GPC6: variants seen among roughly 807,000 people sequenced by gnomAD.
GPC6 encodes glypican-6.
In GPC6, 14 loss-of-function variants were observed where a neutral mutation model predicts 55.2. The ratio of observed to expected loss-of-function variants is 0.25; its 90% CI spans 0.17 to 0.40. GPC6 has a LOEUF of 0.40. GPC6 is among the 10% of genes least tolerant of loss of function. GPC6 has a pLI of 1.00. For synonymous variants in GPC6, 278 were observed against 259.6 expected (o/e 1.07, Z -0.68); for missense variants, 641 against 708.5 (o/e 0.90, Z 1.08).
intron 3 of GPC6, among the ~76,000 whole-genome samples, chr13:93,965,973 C>T (rs1372984249): frequency 2.6e-5 from 4 of 152,156 alleles, no homozygotes; most frequent in Non-Finnish European, 5.9e-5. Context: ...CCCAGCACAT[C>T]TATCAGCCCA....
chr13:93,866,099 G>A (rs1888956858), intron 3 of GPC6, among the ~76,000 whole-genome samples: 1 of 151,706 alleles, frequency 6.6e-6, no homozygotes, highest in South Asian at 2.1e-4. Flanking sequence ...GACTCTGCAA[G>A]TTTTGAAAAG....
intron 3 of GPC6, among the ~76,000 whole-genome samples, chr13:93,895,234 G>GTGTGTGTGTGTGTGTGTGTGTGTGTA (rs1196315147): frequency 1.3e-4 from 14 of 108,216 alleles, no homozygotes; most frequent in African/African-American, 4.4e-4. Context: ...GTGTGTGTGT[G>GTGTGTGTGTGTGTGTGTGTGTGTGTA]TATATATATA....
rs554400242 is a variant in GPC6 at position 93,920,461 on chromosome 13, T to TG, written c.711+89916_711+89917insG. On this transcript the variant is annotated intron_variant, in intron 3 of 8. Coordinates refer to ENST00000377047, the MANE Select transcript of GPC6 (RefSeq NM_005708.5). ...TATTCTGAATTGCACAATAGAAATG[T>TG]CTACTTGAAGGTTTCCCTAATATCT... is the stretch of plus-strand genomic sequence containing the variant. 2.4e-4 allele frequency among the ~76,000 whole-genome samples: 37 copies of TG among 152,318 alleles called. 1 individual carries two copies. In the East Asian group the frequency reaches 5.2e-3, roughly 22 times the overall value.
chr13:94,026,682 T>C (rs1882911611), intron 3 of GPC6, among the ~76,000 whole-genome samples: 2 of 152,136 alleles, frequency 1.3e-5, no homozygotes, highest in South Asian at 4.1e-4. Flanking sequence ...GAGAGTATAA[T>C]TTTTTAAAGG....
At chr13:94,009,560 C>G (rs961807410) in intron 3 of GPC6, among the ~76,000 whole-genome samples, 1 of 152,134 alleles carries the variant, frequency 6.6e-6, no homozygotes, top group African/African-American at 2.4e-5. Context: ...ATGACCTTGA[C>G]AGTAGGCTCA....
rs1401132677 is a variant in GPC6, at chr13:93,789,624, T to C, written c.320-40530T>C. Among the ~76,000 whole-genome samples, 98 of 103,646 alleles carry C rather than the reference T, an allele frequency of 9.5e-4. 3 individuals carry two copies. Among genetic ancestry groups the C allele is most frequent in the South Asian group, 4.1e-3 (12 of 2,898 alleles). The allele number at this position is 103,646 out of a possible 152,430, so 68.0% of individuals were successfully genotyped here. ...ATATATATATATATATATATATATA[T>C]ATATATATATATATATATATAGTAT... On this transcript the variant is annotated intron_variant, in intron 2 of 8. Coordinates refer to ENST00000377047, the MANE Select transcript of GPC6 (RefSeq NM_005708.5).
At chr13:93,553,714 A>G (rs1594261323) in intron 2 of GPC6, among the ~76,000 whole-genome samples, 1 of 150,684 alleles carries the variant, frequency 6.6e-6, no homozygotes, top group African/African-American at 2.4e-5. Flanking sequence ...AAAAAAAAAA[A>G]AAGGAGAGGA....
intron 4 of GPC6, chr13:94,188,030 CAG>C (rs1451193290): frequency 6.6e-6 from 1 of 152,196 alleles, no homozygotes; most frequent in Admixed American, 6.5e-5. Context: ...CACCAGTTAA[CAG>C]GGTGAGAAAT....
chr13:94,323,092 C>T (rs146411274), intron 6 of GPC6, among the ~76,000 whole-genome samples: 34 of 152,206 alleles, frequency 2.2e-4, no homozygotes, highest in Admixed American at 8.5e-4. Context: ...GACGGGATTG[C>T]GAAAGAAGCC....
At chr13:93,481,627 G>A (rs1187388419) in intron 1 of GPC6, among the ~76,000 whole-genome samples, 1 of 114,876 alleles carries the variant, frequency 8.7e-6, no homozygotes, top group Non-Finnish European at 1.8e-5. Context: ...TGTGAAGTAG[G>A]GATCCAGCTT....
intron 1 of GPC6, among the ~76,000 whole-genome samples, chr13:93,461,672 T>TG (rs11287689): frequency 2.0e-3 from 209 of 107,092 alleles, no homozygotes; most frequent in African/African-American, 6.3e-3. Flanking sequence ...GCGGGGGGGT[T>TG]GGGGGGGGGT....
At chr13:93,865,703 C>A (rs546092154) in intron 3 of GPC6, among the ~76,000 whole-genome samples, 1 of 151,808 alleles carries the variant, frequency 6.6e-6, no homozygotes, top group African/African-American at 2.4e-5. Flanking sequence ...TGCCCTGCAA[C>A]TTTCTTTTTA....
chr13:94,124,348 A>G lies in GPC6; in HGVS notation c.877+96454A>G, dbSNP rs972094789. On this transcript the variant is annotated intron_variant, in intron 4 of 8. Coordinates refer to ENST00000377047, the MANE Select transcript of GPC6 (RefSeq NM_005708.5). ...TTTATTCATTCAACAAATGTTTCCAAAAAGCCCATCATGCACTAAGTCTAA... is the reference window on the plus strand; with the variant it reads ...TTTATTCATTCAACAAATGTTTCCAGAAAGCCCATCATGCACTAAGTCTAA... Among the ~76,000 whole-genome samples, 28 of 152,212 alleles carry G rather than the reference A, an allele frequency of 1.8e-4. 1 individual carries two copies. Among genetic ancestry groups the G allele is most frequent in the African/African-American group, 6.7e-4 (28 of 41,554 alleles).
intron 5 of GPC6, among the ~76,000 whole-genome samples, chr13:94,288,760 T>C (rs376772131): frequency 4.4e-5 from 5 of 114,074 alleles, no homozygotes; most frequent in African/African-American, 1.3e-4. Context: ...ATATATATAA[T>C]AAATATATAT....
intron 4 of GPC6, among the ~76,000 whole-genome samples, chr13:94,249,232 G>A (rs1415771323): frequency 6.6e-6 from 1 of 151,968 alleles, no homozygotes; most frequent in Admixed American, 6.6e-5. Context: ...CTATCCTATC[G>A]ATTTGATCCC....
chr13:93,569,304 A>G (rs1030260341), intron 2 of GPC6, among the ~76,000 whole-genome samples: 2 of 152,158 alleles, frequency 1.3e-5, no homozygotes, highest in African/African-American at 4.8e-5. Context: ...TTCGTAAGTC[A>G]TTTGGCTCTT....
Position 93,227,408 on chromosome 13 carries a change from A to T in GPC6, c.-49A>T. 1 of 1,599,072 alleles carries T rather than the reference A, an allele frequency of 6.3e-7. No individual in the cohort carries two copies. Among genetic ancestry groups the T allele is most frequent in the Non-Finnish European group, 8.6e-7 (1 of 1,168,028 alleles). On this transcript the variant is annotated 5_prime_UTR_variant, in exon 1 of 9. In the 5' UTR this introduces an upstream ATG that the reference lacks. Coordinates refer to ENST00000377047, the MANE Select transcript of GPC6 (RefSeq NM_005708.5). This position sits in a 1 kb window ranked among gnomAD's most constrained non-coding sequence, Gnocchi z 4.3. Reference sequence around the variant, plus strand: ...GCTTTCGGCTTGAGGGGCAAGGTGAAGAGCGCACCGGCCGTGGGGTTTACC... The same window carrying T: ...GCTTTCGGCTTGAGGGGCAAGGTGATGAGCGCACCGGCCGTGGGGTTTACC...
chr13:93,576,343 T>A (rs1876663800), intron 2 of GPC6, among the ~76,000 whole-genome samples: 1 of 152,164 alleles, frequency 6.6e-6, no homozygotes, highest in African/African-American at 2.4e-5. Context: ...ATACAAAATT[T>A]TATATTAAGT....
chr13:93,467,616 C>A (rs1878959973), intron 1 of GPC6, among the ~76,000 whole-genome samples: 2 of 134,730 alleles, frequency 1.5e-5, no homozygotes, highest in African/African-American at 5.7e-5. Context: ...TGGTCTCATC[C>A]TGTCACCCAG....
Sources: gnomAD v4.1 joint callset for allele counts (sites outside exome capture counted in the v4.1 genomes callset) on GRCh38, gnomAD v4.1.1 for gene constraint, Gnocchi (gnomAD v3.1) non-coding constraint, MANE v1.5 for transcripts, NCBI Gene and HGNC (gene_info 2026-07-23, HGNC 2026-07-21) for gene names.